SIL1: variants seen among roughly 807,000 people sequenced by gnomAD.
SIL1 encodes the protein nucleotide exchange factor SIL1.
In SIL1, 40 loss-of-function variants were observed where a neutral mutation model predicts 49.1. That is an observed-to-expected ratio of 0.81 (90% confidence interval 0.63 to 1.06). The LOEUF (loss-of-function observed/expected upper bound fraction) is 1.06, where lower values mean the gene tolerates loss of function less well. Ranked by LOEUF, SIL1 falls within the 50% of genes least tolerant of loss-of-function variation. The pLI is 0.00. For missense variants in SIL1, 500 were observed against 572.6 expected (o/e 0.87, Z 1.29); for synonymous variants, 253 against 250.8 (o/e 1.01, Z -0.08).
intron 7 of SIL1, among the ~76,000 whole-genome samples, chr5:138,987,011 A>C (rs1335130975): frequency 6.6e-6 from 1 of 152,130 alleles, no homozygotes; most frequent in Non-Finnish European, 1.5e-5. Context: ...ATAGGTACCT[A>C]AAACATGGGA....
intron 7 of SIL1, among the ~76,000 whole-genome samples, chr5:138,957,938 T>C (rs1766937061): frequency 6.7e-6 from 1 of 148,160 alleles, no homozygotes; most frequent in South Asian, 2.1e-4. Flanking sequence ...TTTTTTTTTG[T>C]AGATGGGGGT....
chr5:139,016,358 T>G (rs1489489989), intron 7 of SIL1, among the ~76,000 whole-genome samples: 1 of 152,192 alleles, frequency 6.6e-6, no homozygotes, highest in South Asian at 2.1e-4. Context: ...TGAGGTGCGA[T>G]GAGACAGTGT....
rs184760273 is a variant in SIL1 at position 139,027,529 on chromosome 5, A to G, written c.454-537T>C. ...AATTAAATCACTGTCATTACTGTCA[A>G]TCTAACCACAGGTGTACAATTTGTT... On this transcript the variant is annotated intron_variant, in intron 5 of 9. Coordinates refer to ENST00000394817, the MANE Select transcript of SIL1 (RefSeq NM_022464.5). Among the ~76,000 whole-genome samples the G allele has an allele frequency of 1.8e-3, 267 of 152,342 alleles. 1 individual carries two copies. The highest frequency in any genetic ancestry group is 2.9e-3 in the Non-Finnish European group (199 of 68,030).
intron 3 of SIL1, among the ~76,000 whole-genome samples, chr5:139,106,426 G>A (rs1353892062): frequency 1.3e-5 from 2 of 152,182 alleles, no homozygotes; most frequent in Admixed American, 1.3e-4. Flanking sequence ...TCGGAGCCTA[G>A]CCATTTGTCA....
chr5:139,075,845 C>G (rs1769937200), intron 3 of SIL1, among the ~76,000 whole-genome samples: 2 of 152,162 alleles, frequency 1.3e-5, no homozygotes, highest in South Asian at 4.1e-4. Context: ...GGTCTACTTT[C>G]CAGGCATCTG....
At position 138,947,423 on chromosome 5, in the gene SIL1, C is replaced by T. The variant is rs773019820; in HGVS notation, c.1080G>A (p.Lys360=). The T allele has an allele frequency of 1.2e-6, 2 of 1,613,652 alleles. No homozygotes were observed. Among genetic ancestry groups the T allele is most frequent in the Non-Finnish European group, 1.7e-6 (2 of 1,180,050 alleles). ...AELTQEMSPE[K]LQQYRQVHLL... is the part of the protein sequence containing the mutation. ...GGTGTACCTGGCGATACTGCTGCAGCTTCTCTGGGGACATCTCCTGGGTCA... is the reference window on the plus strand; with the variant it reads ...GGTGTACCTGGCGATACTGCTGCAGTTTCTCTGGGGACATCTCCTGGGTCA... Residue 360 remains lysine (K), a synonymous_variant, in exon 10 of 10, where the codon AAG becomes AAA. Coordinates refer to ENST00000394817, the MANE Select transcript of SIL1 (RefSeq NM_022464.5). The surrounding 1 kb of genome is among the most constrained non-coding windows in gnomAD (Gnocchi z 4.1).
At chr5:139,155,766 G>A (rs1751396764) in intron 1 of SIL1, among the ~76,000 whole-genome samples, 1 of 152,160 alleles carries the variant, frequency 6.6e-6, no homozygotes, top group Non-Finnish European at 1.5e-5. Flanking sequence ...GACCATAGCA[G>A]GTGACAGCCA....
chr5:139,039,300 T>A (rs966117671), intron 5 of SIL1, among the ~76,000 whole-genome samples: 4 of 152,180 alleles, frequency 2.6e-5, no homozygotes, highest in Non-Finnish European at 5.9e-5. Context: ...AGCTTGCTAC[T>A]ACCACCAAAT....
chr5:139,006,884 C>G (rs1329652861), intron 7 of SIL1, among the ~76,000 whole-genome samples: 3 of 147,680 alleles, frequency 2.0e-5, no homozygotes, highest in African/African-American at 7.6e-5. Flanking sequence ...AGTTTGAAGT[C>G]AGGTAGTGTG....
intron 1 of SIL1, among the ~76,000 whole-genome samples, chr5:139,173,465 G>A (rs190861366): frequency 6.8e-4 from 103 of 151,630 alleles, no homozygotes; most frequent in Admixed American, 2.6e-3. Context: ...CAAGAGAATT[G>A]CTTGAACCCA....
intron 3 of SIL1, among the ~76,000 whole-genome samples, chr5:139,060,764 A>G (rs975170999): frequency 6.6e-6 from 1 of 152,218 alleles, no homozygotes; most frequent in Admixed American, 6.5e-5. Context: ...TCAATGTGAC[A>G]GTAAATATTT....
chr5:139,165,913 T>C lies in SIL1; in HGVS notation c.-11+32356A>G, dbSNP rs528316137. ...CTCCTGACCTCAAGATCCGCCCACC[T>C]AGGCCTCCCAAAGTGCTGGGATTAC... On this transcript the variant is annotated intron_variant, in intron 1 of 9. Coordinates refer to ENST00000394817, the MANE Select transcript of SIL1 (RefSeq NM_022464.5). Among the ~76,000 whole-genome samples the C allele has an allele frequency of 2.0e-4, 30 of 152,186 alleles. No individual in the cohort carries two copies. In the East Asian group the frequency reaches 5.6e-3, roughly 28 times the overall value.
At chr5:138,971,135 A>G (rs551157213) in intron 7 of SIL1, among the ~76,000 whole-genome samples, 15 of 152,176 alleles carry the variant, frequency 9.9e-5, no homozygotes, top group Non-Finnish European at 2.1e-4. Context: ...GAAAGGAAGT[A>G]TTATTTTCCA....
In SIL1 at chr5:139,167,911, G is replaced by A. The variant is rs150607421; in HGVS notation, c.-11+30358C>T. On this transcript the variant is annotated intron_variant, in intron 1 of 9. Transcript: ENST00000394817. ...TGCCCAGGCTGATCTTGAACTCCTGGGCTCAAGCAATCCTCCTACCTCAGC... is the reference window on the plus strand; with the variant it reads ...TGCCCAGGCTGATCTTGAACTCCTGAGCTCAAGCAATCCTCCTACCTCAGC... Among the ~76,000 whole-genome samples, 1,263 of 152,096 alleles carry A rather than the reference G, an allele frequency of 8.3e-3. 19 individuals are homozygous for A. The highest frequency in any genetic ancestry group is 0.029 in the African/African-American group (1,199 of 41,482).
chr5:139,105,295 G>T (rs886522844), intron 3 of SIL1, among the ~76,000 whole-genome samples: 3 of 152,208 alleles, frequency 2.0e-5, no homozygotes, highest in Non-Finnish European at 2.9e-5. Context: ...ATTACAAGGG[G>T]TCCATTCCAG....
chr5:139,021,356 CT>C, intron 6 of SIL1, 64 bp from the exon 7 acceptor site: 1 of 1,598,824 alleles, frequency 6.3e-7, no homozygotes, highest in Non-Finnish European at 8.5e-7. Flanking sequence ...TTCTTAGAGC[CT>C]TTCTTTTGGT....
chr5:139,014,572 A>C (rs996444931), intron 7 of SIL1, among the ~76,000 whole-genome samples: 2 of 152,230 alleles, frequency 1.3e-5, no homozygotes, highest in African/African-American at 4.8e-5. Context: ...CGAAATGCTG[A>C]AGGGACAAGT....
chr5:139,180,533 T>C (rs1410410004), intron 1 of SIL1, among the ~76,000 whole-genome samples: 2 of 152,036 alleles, frequency 1.3e-5, no homozygotes, highest in Non-Finnish European at 1.5e-5. Context: ...ATTGGGAATG[T>C]AGCTCCTGGT....
intron 7 of SIL1, among the ~76,000 whole-genome samples, chr5:138,957,895 C>T (rs534686051): frequency 3.3e-5 from 5 of 151,972 alleles, no homozygotes; most frequent in South Asian, 4.1e-4. Context: ...CCTTACCCCC[C>T]ACTCTTTCCT....
Sources: allele counts gnomAD v4.1 joint callset (sites outside exome capture counted in the v4.1 genomes callset), GRCh38; gene constraint gnomAD v4.1.1; non-coding constraint Gnocchi (gnomAD v3.1); transcripts MANE v1.5; gene names NCBI Gene and HGNC (gene_info 2026-07-23, HGNC 2026-07-21).